AOX1: variants seen among roughly 807,000 people sequenced by gnomAD.
AOX1 encodes aldehyde oxidase.
AOX1 carries 153 observed loss-of-function variants against 169.5 expected under a neutral mutation model. That is an observed-to-expected ratio of 0.90 (90% CI 0.79 to 1.03). The LOEUF (loss-of-function observed/expected upper bound fraction) is 1.03, where lower values mean the gene tolerates loss of function less well. AOX1 is among the 50% of genes least tolerant of loss of function. The pLI is 0.00. For synonymous variants in AOX1, 562 were observed against 581.9 expected, an observed-to-expected ratio of 0.97 and a Z score of 0.49; for missense variants, 1,656 against 1,663.9, an observed-to-expected ratio of 1.00 and a Z score of 0.08.
chr2:200,676,895 T>G, exon 5 of AOX1: 1 of 470,812 alleles, frequency 2.1e-6, no homozygotes, highest in South Asian at 1.5e-5. Context: ...ATGGCAAGCC[T>G]GTCAGGCGGA....
intron 20 of AOX1, among the ~76,000 whole-genome samples, chr2:200,628,875 C>T (rs142769109): frequency 1.1e-3 from 167 of 152,132 alleles, no homozygotes; most frequent in African/African-American, 3.9e-3. Context: ...TGCAGTGAGC[C>T]GAGATTGCAC....
At chr2:200,597,680 C>T (rs2034315351) in intron 4 of AOX1, among the ~76,000 whole-genome samples, 175 bp downstream of exon 4, 1 of 152,216 alleles carries the variant, frequency 6.6e-6, no homozygotes, top group Non-Finnish European at 1.5e-5. Flanking sequence ...GTGAGTGTTT[C>T]TGACTAACTT....
At chr2:200,631,072 G>T (rs2105735184) in intron 20 of AOX1, among the ~76,000 whole-genome samples, 1 of 152,286 alleles carries the variant, frequency 6.6e-6, no homozygotes, top group East Asian at 1.9e-4. Context: ...AAAATATGTG[G>T]AGCATTACAT....
chr2:200,671,872 T>C (rs1232751072), downstream of AOX1, among the ~76,000 whole-genome samples: 2 of 152,186 alleles, frequency 1.3e-5, no homozygotes, highest in African/African-American at 4.8e-5. Flanking sequence ...TAACTGTTCA[T>C]AGCATTATTC....
intron 25 of AOX1, among the ~76,000 whole-genome samples, chr2:200,650,248 A>T (rs1232510113): frequency 6.6e-6 from 1 of 152,124 alleles, no homozygotes. Context: ...TAAAAACACC[A>T]CTTTCCCCCA....
intron 16 of AOX1, among the ~76,000 whole-genome samples, chr2:200,619,760 C>G (rs1251325659): frequency 2.0e-5 from 3 of 152,154 alleles, no homozygotes; most frequent in Admixed American, 6.5e-5. Flanking sequence ...AATTGCAGGT[C>G]CCTTTGGCTT....
At chr2:200,603,724 G>A (rs369645029) in intron 7 of AOX1, among the ~76,000 whole-genome samples, 2 of 152,172 alleles carry the variant, frequency 1.3e-5, no homozygotes, top group African/African-American at 2.4e-5. Flanking sequence ...TCAGGGAGCC[G>A]TTCTTGTTCC....
At chr2:200,641,992 G>A (rs1034643991) in intron 24 of AOX1, among the ~76,000 whole-genome samples, 2 of 152,082 alleles carry the variant, frequency 1.3e-5, no homozygotes, top group Admixed American at 6.5e-5. Flanking sequence ...AGCCGGGTAT[G>A]GTGGCACACA....
intron 20 of AOX1, among the ~76,000 whole-genome samples, chr2:200,633,062 A>G (rs1200568618): frequency 1.3e-5 from 2 of 151,874 alleles, no homozygotes; most frequent in East Asian, 1.9e-4. Flanking sequence ...ATGCCTAGCT[A>G]ATTTTTGTAT....
At chr2:200,660,256 C>T (rs2035794979) in intron 29 of AOX1, among the ~76,000 whole-genome samples, 187 bp downstream of exon 29, 1 of 152,214 alleles carries the variant, frequency 6.6e-6, no homozygotes, top group African/African-American at 2.4e-5. Context: ...GGTGGAGGAA[C>T]TCTTGTATCT....
intron 3 of AOX1, 83 bp from the exon 4 acceptor site, chr2:200,597,314 G>T: frequency 1.0e-6 from 1 of 953,696 alleles, no homozygotes; most frequent in Non-Finnish European, 1.5e-6. Flanking sequence ...CTGCCACAGT[G>T]GAGAAGCTCA....
chr2:200,639,502 G>GT (rs1574944098), intron 23 of AOX1, among the ~76,000 whole-genome samples: 1 of 152,182 alleles, frequency 6.6e-6, no homozygotes, highest in African/African-American at 2.4e-5. Context: ...ACTAATACAT[G>GT]TTTTTTAGGA....
chr2:200,665,660 G>A (rs1337605596), intron 31 of AOX1, among the ~76,000 whole-genome samples: 1 of 152,132 alleles, frequency 6.6e-6, no homozygotes, highest in East Asian at 1.9e-4. Flanking sequence ...TCAAACTCCT[G>A]GCCTCAAGTG....
At chr2:200,590,850 A>T (rs1047748649) in intron 1 of AOX1, among the ~76,000 whole-genome samples, 2 of 152,162 alleles carry the variant, frequency 1.3e-5, no homozygotes, top group Non-Finnish European at 1.5e-5. Context: ...TTATGGTGTT[A>T]TCTGAGACCC....
chr2:200,666,376 A>T (rs2105775485), intron 31 of AOX1, among the ~76,000 whole-genome samples: 1 of 152,312 alleles, frequency 6.6e-6, no homozygotes, highest in South Asian at 2.1e-4. Flanking sequence ...CATATGTTAT[A>T]TCTGTTGTAG....
chr2:200,675,275 T>C (rs1259586457), downstream of AOX1, among the ~76,000 whole-genome samples: 1 of 152,174 alleles, frequency 6.6e-6, no homozygotes, highest in Non-Finnish European at 1.5e-5. Context: ...ACCTATTGTA[T>C]ATAATAAAAT....
chr2:200,645,269 G>GTT (rs1187061261), intron 25 of AOX1, among the ~76,000 whole-genome samples: 1 of 152,116 alleles, frequency 6.6e-6, no homozygotes, highest in Admixed American at 6.5e-5. Context: ...TTTGCTGAGA[G>GTT]TTTTAATCAT....
intron 21 of AOX1, among the ~76,000 whole-genome samples, chr2:200,636,547 T>A (rs934054562): frequency 6.6e-6 from 1 of 152,038 alleles, no homozygotes; most frequent in South Asian, 2.1e-4. Flanking sequence ...GGGATTAGTG[T>A]GAATAGAATA....
downstream of AOX1, among the ~76,000 whole-genome samples, chr2:200,672,809 G>GGAGGCTGT (rs2036047253): frequency 6.6e-6 from 1 of 152,194 alleles, no homozygotes; most frequent in Non-Finnish European, 1.5e-5. Context: ...AAATGAGAAT[G>GGAGGCTGT]GAGGCTGTGA....
Sources: allele counts gnomAD v4.1 joint callset (sites outside exome capture counted in the v4.1 genomes callset), GRCh38; gene constraint gnomAD v4.1.1; transcripts MANE v1.5; gene names NCBI Gene and HGNC (gene_info 2026-07-23, HGNC 2026-07-21).